The following DEPDC4 variants were observed in gnomAD, a reference collection of about 807,000 sequenced individuals.
DEPDC4 encodes the protein DEP domain-containing protein 4.
In DEPDC4, 52 loss-of-function variants were observed where a neutral mutation model predicts 52.0. The ratio of observed to expected loss-of-function variants is 1.00; its 90% CI spans 0.80 to 1.26. The LOEUF (loss-of-function observed/expected upper bound fraction) is 1.26, where lower values mean the gene tolerates loss of function less well. Ranked by LOEUF, DEPDC4 falls within the 50% of genes most tolerant of loss-of-function variation. The pLI is 0.00. For missense variants in DEPDC4, 530 were observed against 546.9 expected (o/e 0.97, Z 0.31); for synonymous variants, 201 against 196.8 (o/e 1.02, Z -0.18).
chr12:100,233,289 T>C (rs540829245), intron 9 of DEPDC4, among the ~76,000 whole-genome samples: 78 of 152,336 alleles, frequency 5.1e-4, no homozygotes, highest in African/African-American at 1.8e-3. Flanking sequence ...TGTATGCATA[T>C]GCATACAGCC....
chr12:100,277,917 G>A, the DEPDC4 span, among the ~76,000 whole-genome samples: 7 of 151,812 alleles, frequency 4.6e-5, no homozygotes, highest in African/African-American at 1.5e-4. Flanking sequence ...AGGGTCTACA[G>A]TATATATCTT....
In DEPDC4 at chr12:100,267,037, C is replaced by A; in HGVS notation, c.40G>T (p.Val14Phe). Reference sequence around the variant, plus strand: ...CTACGGAACCTCGGAGTCAAAAGAACCGCCATAAGCTCGCGCGCTGGCTCC... The same window carrying A: ...CTACGGAACCTCGGAGTCAAAAGAAACGCCATAAGCTCGCGCGCTGGCTCC... ...GEEPARELMA[V>F]LLTPRFRRLV... The change falls in exon 1 of 10, where the codon GTT becomes TTT. Residue 14 changes from valine (V) to phenylalanine (F), a missense_variant. Val to Phe is a conservative substitution (Grantham distance 50, BLOSUM62 -1). Coordinates refer to ENST00000550587, the MANE Select transcript of DEPDC4 (RefSeq NM_001364818.2). The A allele has an allele frequency of 2.5e-6, 4 of 1,614,032 alleles. No homozygotes were observed. Among genetic ancestry groups the A allele is most frequent in the Non-Finnish European group, 3.4e-6 (4 of 1,179,946 alleles).
intron 7 of DEPDC4, among the ~76,000 whole-genome samples, chr12:100,249,943 A>G (rs920795262): frequency 1.4e-4 from 22 of 152,360 alleles, no homozygotes; most frequent in African/African-American, 5.1e-4. Context: ...AAGTGCCACT[A>G]TGAAAACAAA....
At position 100,263,602 on chromosome 12, in the gene DEPDC4, A is replaced by C. The variant is rs747009571; in HGVS notation, c.449T>G (p.Phe150Cys). ...GTAGAGACTAATGTTGGAATCTTCAAATTCTAATTCCTTTTCTTTTTTGAA... is the reference window on the plus strand; with the variant it reads ...GTAGAGACTAATGTTGGAATCTTCACATTCTAATTCCTTTTCTTTTTTGAA... ...KLFKKEKELE[F>C]EDSNISLYRF... Residue 150 changes from phenylalanine to cysteine, a missense_variant, in exon 2 of 10, where the codon TTT becomes TGT. Phe to Cys is a radical substitution (Grantham distance 205). Coordinates refer to ENST00000550587, the MANE Select transcript of DEPDC4 (RefSeq NM_001364818.2). The C allele has an allele frequency of 6.2e-7, 1 of 1,614,094 alleles. No homozygotes were observed. Among genetic ancestry groups the C allele is most frequent in the Non-Finnish European group, 8.5e-7 (1 of 1,179,992 alleles).
intron 1 of DEPDC4, among the ~76,000 whole-genome samples, chr12:100,265,287 C>T (rs2096267571): frequency 2.6e-5 from 4 of 151,836 alleles, no homozygotes; most frequent in Admixed American, 2.6e-4. Context: ...GAGTGAGACC[C>T]TGTCTCAATT....
At chr12:100,244,110 T>TATATATATATATATATATATAC in intron 8 of DEPDC4, among the ~76,000 whole-genome samples, 1 of 109,500 alleles carries the variant, frequency 9.1e-6, no homozygotes, top group Non-Finnish European at 1.7e-5. Context: ...TATATATATA[T>TATATATATATATATATATATAC]ATATATATAT....
intron 4 of DEPDC4, among the ~76,000 whole-genome samples, chr12:100,254,230 A>G (rs933008126): frequency 6.7e-6 from 1 of 149,078 alleles, no homozygotes; most frequent in South Asian, 2.1e-4. Flanking sequence ...TCCCTTTTCC[A>G]TATCTGCTGC....
At chr12:100,269,219 T>C (rs535103319), upstream of DEPDC4, among the ~76,000 whole-genome samples, 1 of 152,278 alleles carries the variant, frequency 6.6e-6, no homozygotes, top group African/African-American at 2.4e-5. Flanking sequence ...TCCACTGTGC[T>C]TTCTGACATT....
At chr12:100,281,335 T>C in the DEPDC4 span, among the ~76,000 whole-genome samples, 1 of 152,126 alleles carries the variant, frequency 6.6e-6, no homozygotes, top group Non-Finnish European at 1.5e-5. Context: ...TAGGAAATAT[T>C]CTTAAATGAT....
At chr12:100,269,940 T>C (rs2096285636), upstream of DEPDC4, among the ~76,000 whole-genome samples, 1 of 152,184 alleles carries the variant, frequency 6.6e-6, no homozygotes, top group African/African-American at 2.4e-5. Context: ...TAGACAGTAC[T>C]TGTGTTTTAT....
chr12:100,275,893 T>C, the DEPDC4 span, among the ~76,000 whole-genome samples: 1 of 152,244 alleles, frequency 6.6e-6, no homozygotes, highest in Non-Finnish European at 1.5e-5. Flanking sequence ...TGAATTGGTA[T>C]TGAATTTTGT....
At chr12:100,244,070 CCTCTCT>C (rs200666698) in intron 8 of DEPDC4, among the ~76,000 whole-genome samples, 14 of 84,172 alleles carry the variant, frequency 1.7e-4, no homozygotes, top group South Asian at 4.6e-4. Context: ...GAGGTGTCTC[CCTCTCT>C]CTCTCTCTCT....
downstream of DEPDC4, among the ~76,000 whole-genome samples, chr12:100,238,472 T>TA (rs1460445581): frequency 6.7e-6 from 1 of 150,264 alleles, no homozygotes; most frequent in Non-Finnish European, 1.5e-5. Context: ...TCTTTTTTTT[T>TA]AAGTAGGAAG....
At chr12:100,279,968 G>A in the DEPDC4 span, among the ~76,000 whole-genome samples, 6 of 152,118 alleles carry the variant, frequency 3.9e-5, no homozygotes, top group Non-Finnish European at 7.4e-5. Context: ...ATCTACCTCC[G>A]CATTCTTGAA....
upstream of DEPDC4, among the ~76,000 whole-genome samples, chr12:100,268,946 G>C (rs1473596236): frequency 6.6e-6 from 1 of 152,032 alleles, no homozygotes; most frequent in Admixed American, 6.6e-5. Flanking sequence ...TCTGCTCTTC[G>C]TCTGTAACAG....
intron 3 of DEPDC4, among the ~76,000 whole-genome samples, chr12:100,256,933 G>A (rs527895877): frequency 3.3e-5 from 5 of 152,042 alleles, no homozygotes; most frequent in Admixed American, 2.0e-4. Flanking sequence ...GAGTCACTGC[G>A]CCAGGCCAGT....
At chr12:100,271,622 T>C (rs1446517977), upstream of DEPDC4, among the ~76,000 whole-genome samples, 2 of 152,234 alleles carry the variant, frequency 1.3e-5, no homozygotes, top group African/African-American at 4.8e-5. Flanking sequence ...TTTGTGCTTT[T>C]TGAAAGTCTA....
At chr12:100,273,428 T>G in the DEPDC4 span, among the ~76,000 whole-genome samples, 1,177 of 152,232 alleles carry the variant, frequency 7.7e-3, 15 homozygotes, top group African/African-American at 0.026. Flanking sequence ...TTGTCTGTCT[T>G]CTCCCTTTGA....
intron 3 of DEPDC4, among the ~76,000 whole-genome samples, chr12:100,257,332 C>T (rs979247973): frequency 1.3e-5 from 2 of 152,214 alleles, no homozygotes; most frequent in South Asian, 2.1e-4. Flanking sequence ...CCCGCCTTGG[C>T]CTCCCAAAGT....
Sources: allele counts gnomAD v4.1 joint callset (sites outside exome capture counted in the v4.1 genomes callset), GRCh38; gene constraint gnomAD v4.1.1; transcripts MANE v1.5; gene names NCBI Gene and HGNC (gene_info 2026-07-23, HGNC 2026-07-21).